Variants in CACNA2D4 observed in about 807,000 individuals in gnomAD.
CACNA2D4 encodes the protein calcium voltage-gated channel auxiliary subunit alpha2delta 4.
A neutral mutation model predicts 163.8 loss-of-function variants in CACNA2D4; 157 were observed. That is an observed-to-expected ratio of 0.96 (90% confidence interval 0.84 to 1.09). CACNA2D4 has a LOEUF of 1.09. CACNA2D4 is among the 50% of genes least tolerant of loss of function. The probability of loss-of-function intolerance (pLI) is 0.00; values close to 1 mark genes in which losing one functional copy is unlikely to be tolerated. For missense variants in CACNA2D4, 1,410 were observed against 1,479.9 expected (o/e 0.95, Z 0.78); for synonymous variants, 598 against 586.9 (o/e 1.02, Z -0.27).
chr12:1,809,250 C>A, intron 29 of CACNA2D4: 1 of 495,026 alleles, frequency 2.0e-6, no homozygotes, highest in South Asian at 2.8e-5. Flanking sequence ...CACAGCCCTA[C>A]CATGCGTGGA....
intron 6 of CACNA2D4, among the ~76,000 whole-genome samples, chr12:1,907,177 C>T (rs1171507429): frequency 6.6e-6 from 1 of 152,234 alleles, no homozygotes; most frequent in South Asian, 2.1e-4. Context: ...TTTCATGGGA[C>T]AGGAGCTTCA....
chr12:1,824,390 A>G (rs1469680545), intron 26 of CACNA2D4, among the ~76,000 whole-genome samples: 1 of 152,208 alleles, frequency 6.6e-6, no homozygotes, highest in Admixed American at 6.5e-5. Context: ...GCAATGGTCT[A>G]CACTCAAAGC....
At chr12:1,872,817 G>A (rs976863508) in intron 18 of CACNA2D4, among the ~76,000 whole-genome samples, 18 of 152,232 alleles carry the variant, frequency 1.2e-4, no homozygotes, top group Admixed American at 5.9e-4. Context: ...GGACTGTGTG[G>A]TGATAGAATG....
At chr12:1,827,094 G>A (rs112368031) in intron 26 of CACNA2D4, among the ~76,000 whole-genome samples, 121 of 152,316 alleles carry the variant, frequency 7.9e-4, no homozygotes, top group African/African-American at 2.7e-3. Context: ...CCCGTGGAGG[G>A]CGAAGGAGAG....
At chr12:1,796,040 GGA>G in intron 35 of CACNA2D4, 5 of 525,020 alleles carry the variant, frequency 9.5e-6, no homozygotes, top group Non-Finnish European at 1.7e-5. Flanking sequence ...GGGCCGCTTT[GGA>G]GAGTGCAGAG....
Position 1,844,516 on chromosome 12 carries a change from G to C in CACNA2D4, c.2356C>G (p.Pro786Ala), listed in dbSNP as rs756041059. The C allele has an allele frequency of 3.9e-5, 63 of 1,612,802 alleles. No individual in the cohort carries two copies. Among genetic ancestry groups the C allele is most frequent in the Non-Finnish European group, 5.2e-5 (61 of 1,179,374 alleles). ...GTGAACACGCTGGCCTCGTCCTCAG[G>C]TGTCAGGAACTTCCTGCAAGGAGGA... Reference protein sequence around the residue: ...EKVSDRKFLTPEDEASVFTLD... With the variant: ...EKVSDRKFLTAEDEASVFTLD... The change falls in exon 25 of 38, where the codon CCT becomes GCT. Residue 786 changes from proline (P) to alanine (A), a missense_variant. Physicochemically the swap from Pro to Ala is conservative, Grantham distance 27 (BLOSUM62 -1). Coordinates refer to ENST00000382722, the MANE Select transcript of CACNA2D4 (RefSeq NM_172364.5). The surrounding 1 kb of genome is among the most constrained non-coding windows in gnomAD (Gnocchi z 4.2).
chr12:1,879,937 C>T, intron 13 of CACNA2D4, 56 bp from the exon 14 acceptor site: 2 of 1,280,786 alleles, frequency 1.6e-6, no homozygotes, highest in Non-Finnish European at 2.2e-6. Flanking sequence ...CACTGGTTTG[C>T]CGCACTCGGA....
chr12:1,908,126 G>T, intron 4 of CACNA2D4, 89 bp from the exon 5 acceptor site: 1 of 1,368,610 alleles, frequency 7.3e-7, no homozygotes, highest in Non-Finnish European at 1.0e-6. Flanking sequence ...GTGAGAGGAC[G>T]AGAGGGCCGG....
chr12:1,843,862 C>G lies in CACNA2D4; in HGVS notation c.2470+540G>C, dbSNP rs569574645. On this transcript the variant is annotated intron_variant, in intron 25 of 37. Transcript: ENST00000382722. The surrounding 1 kb of genome is among the most constrained non-coding windows in gnomAD (Gnocchi z 4.6). ...CACCCTCCCCACCACCTGCCTGGCACAGCCTCTCTCTTGAGCTGAGAGGGG... is the reference window on the plus strand; with the variant it reads ...CACCCTCCCCACCACCTGCCTGGCAGAGCCTCTCTCTTGAGCTGAGAGGGG... Among the ~76,000 whole-genome samples the G allele has an allele frequency of 6.6e-6, 1 of 152,294 alleles. No homozygotes were observed. The highest frequency in any genetic ancestry group is 1.5e-5 in the Non-Finnish European group (1 of 68,026).
rs150420728 is a variant in CACNA2D4, at chr12:1,839,363, C to T, written c.2551+1376G>A. Among the ~76,000 whole-genome samples, 153 of 152,336 alleles carry T rather than the reference C, an allele frequency of 1.0e-3. 1 individual carries two copies. Among genetic ancestry groups the T allele is most frequent in the African/African-American group, 3.4e-3 (141 of 41,568 alleles). On this transcript the variant is annotated intron_variant, in intron 26 of 37. Coordinates refer to ENST00000382722, the MANE Select transcript of CACNA2D4 (RefSeq NM_172364.5). ...GTAAGGAGCGCTTCATCGCAGGGAC[C>T]TGATCGTTCTCAGACAGCTAGGCAG...
intron 26 of CACNA2D4, among the ~76,000 whole-genome samples, chr12:1,824,504 G>C (rs1864238146): frequency 6.6e-6 from 1 of 152,194 alleles, no homozygotes; most frequent in Non-Finnish European, 1.5e-5. Flanking sequence ...GGGACTCCGT[G>C]GAGGCCTGGC....
chr12:1,903,493 A>C (rs1316575163), intron 6 of CACNA2D4, among the ~76,000 whole-genome samples: 4 of 152,112 alleles, frequency 2.6e-5, no homozygotes, highest in African/African-American at 7.2e-5. Context: ...AACAACCAGA[A>C]TACATAAGAA....
chr12:1,850,210 T>C (rs1031378806), intron 23 of CACNA2D4, among the ~76,000 whole-genome samples: 2 of 152,192 alleles, frequency 1.3e-5, no homozygotes, highest in Non-Finnish European at 2.9e-5. Context: ...AGTGCCTGAC[T>C]CCCCACAGTT....
In CACNA2D4 at chr12:1,883,035, AG is replaced by A; in HGVS notation, c.1352-36del. 6.3e-7 allele frequency: 1 copy of A among 1,599,098 alleles called. No homozygotes were observed. The highest frequency in any genetic ancestry group is 8.5e-7 in the Non-Finnish European group (1 of 1,172,322). On this transcript the variant is annotated intron_variant, in intron 12 of 37. Transcript: ENST00000382722. The surrounding 1 kb of genome is among the most constrained non-coding windows in gnomAD (Gnocchi z 4.5). ...GGAAGGCCGCGTGGGTGTGGAAGGC[AG>A]GGCTTCCCTGGGAACCCCTCGCCAG...
At position 1,822,915 on chromosome 12, in the gene CACNA2D4, C is replaced by G. The variant is rs533112935; in HGVS notation, c.2552-11192G>C. Among the ~76,000 whole-genome samples, 3 of 152,300 alleles carry G rather than the reference C, an allele frequency of 2.0e-5. No individual in the cohort carries two copies. The South Asian group carries it at 6.2e-4, about 32-fold the overall frequency. On this transcript the variant is annotated intron_variant, in intron 26 of 37. Transcript: ENST00000382722. ...GCTCTGGCTGGCCACTCTCCGGGCT[C>G]CCTCTCAGCCTTCCTGGGGTTGGTG...
chr12:1,852,675 T>C (rs960364078), intron 23 of CACNA2D4, among the ~76,000 whole-genome samples: 6 of 152,218 alleles, frequency 3.9e-5, no homozygotes, highest in Non-Finnish European at 7.3e-5. Flanking sequence ...TCTCAATATT[T>C]CTCCACATTA....
rs1472386451 is a variant in CACNA2D4, at chr12:1,844,451, C to T, written c.2421G>A (p.Glu807=). ...RFPLWYRQAS[E]HPAGSFVFNL... ...TGAAGACGAAGCTGCCAGCAGGATG[C>T]TCTGAGGCCTGGCGGTACCACAGCG... The change falls in exon 25 of 38, where the codon GAG becomes GAA. Residue 807 remains glutamate (E), a synonymous_variant. Transcript: ENST00000382722. The surrounding 1 kb of genome is among the most constrained non-coding windows in gnomAD (Gnocchi z 4.2). The T allele has an allele frequency of 1.2e-6, 2 of 1,613,672 alleles. No individual in the cohort carries two copies. Among genetic ancestry groups the T allele is most frequent in the South Asian group, 1.1e-5 (1 of 90,940 alleles).
At chr12:1,822,967 G>A (rs1338000833) in intron 26 of CACNA2D4, among the ~76,000 whole-genome samples, 1 of 152,222 alleles carries the variant, frequency 6.6e-6, no homozygotes, top group Non-Finnish European at 1.5e-5. Context: ...GCAGGCCCAG[G>A]GTGTGGGCCC....
chr12:1,898,021 C>A (rs920521693), intron 6 of CACNA2D4, among the ~76,000 whole-genome samples: 6 of 152,006 alleles, frequency 3.9e-5, no homozygotes, highest in African/African-American at 1.5e-4. Context: ...TCTTGGACCA[C>A]AAAGCAACTG....
Sources: gnomAD v4.1 joint callset for allele counts (sites outside exome capture counted in the v4.1 genomes callset) on GRCh38, gnomAD v4.1.1 for gene constraint, Gnocchi (gnomAD v3.1) non-coding constraint, MANE v1.5 for transcripts, NCBI Gene and HGNC (gene_info 2026-07-23, HGNC 2026-07-21) for gene names.